NRXN1: variants seen among roughly 807,000 people sequenced by gnomAD.
NRXN1 encodes neurexin-1.
A neutral mutation model predicts 150.9 loss-of-function variants in NRXN1; 39 were observed. That is an observed-to-expected ratio of 0.26 (90% CI 0.20 to 0.34). NRXN1 has a LOEUF of 0.34. Ranked by LOEUF, NRXN1 falls within the 10% of genes least tolerant of loss-of-function variation. The probability of loss-of-function intolerance (pLI) is 1.00; values close to 1 mark genes in which losing one functional copy is unlikely to be tolerated. For missense variants in NRXN1, 1,815 were observed against 1,949.9 expected (o/e 0.93, Z 1.30); for synonymous variants, 924 against 757.0 (o/e 1.22, Z -3.62).
chr2:50,959,639 G>C (rs1398602505), intron 2 of NRXN1, among the ~76,000 whole-genome samples: 2 of 151,936 alleles, frequency 1.3e-5, no homozygotes, highest in Non-Finnish European at 2.9e-5. Flanking sequence ...TTTCTTTTTG[G>C]ATAATGAAAA....
At chr2:50,971,380 T>C (rs1032143071) in intron 2 of NRXN1, among the ~76,000 whole-genome samples, 1 of 151,928 alleles carries the variant, frequency 6.6e-6, no homozygotes, top group Non-Finnish European at 1.5e-5. Flanking sequence ...GTCAGGAGTT[T>C]GAGACCAGCC....
At chr2:50,253,731 T>C (rs933031169) in intron 17 of NRXN1, among the ~76,000 whole-genome samples, 4 of 152,210 alleles carry the variant, frequency 2.6e-5, no homozygotes, top group Admixed American at 2.6e-4. Context: ...TTTGTGTATG[T>C]TGATTTCACC....
intron 17 of NRXN1, among the ~76,000 whole-genome samples, chr2:50,244,157 A>G (rs551723686): frequency 6.6e-6 from 1 of 151,944 alleles, no homozygotes; most frequent in African/African-American, 2.4e-5. Flanking sequence ...TCACATTTTG[A>G]TGTTTATAAA....
chr2:50,474,399 T>C (rs1052857466), intron 15 of NRXN1, among the ~76,000 whole-genome samples: 2 of 151,802 alleles, frequency 1.3e-5, no homozygotes, highest in Non-Finnish European at 2.9e-5. Context: ...TGGAAGAACC[T>C]AGTTGTGCAA....
chr2:50,037,020 G>A (rs539298205), intron 21 of NRXN1, among the ~76,000 whole-genome samples: 1 of 152,140 alleles, frequency 6.6e-6, no homozygotes, highest in Non-Finnish European at 1.5e-5. Context: ...AAGCAACTAA[G>A]TTTTAGAGGA....
At chr2:50,584,624 G>T (rs1361882608) in intron 8 of NRXN1, among the ~76,000 whole-genome samples, 1 of 152,180 alleles carries the variant, frequency 6.6e-6, no homozygotes, top group African/African-American at 2.4e-5. Context: ...AAGTGCAAGT[G>T]GTGGAGCAAA....
chr2:50,919,545 C>G (rs1206036776), intron 5 of NRXN1: 1 of 151,322 alleles, frequency 6.6e-6, no homozygotes, highest in Non-Finnish European at 1.5e-5. Flanking sequence ...CATTCCAGAT[C>G]CCCTGAATTC....
chr2:50,810,039 A>G (rs1000990902), intron 5 of NRXN1, among the ~76,000 whole-genome samples: 11 of 152,182 alleles, frequency 7.2e-5, no homozygotes, highest in African/African-American at 2.2e-4. Flanking sequence ...AAATAAGAGT[A>G]ATATTCTCAT....
chr2:50,672,882 A>G lies in NRXN1; in HGVS notation c.833-49267T>C, dbSNP rs2104740029. On this transcript the variant is annotated intron_variant, in intron 5 of 22. Coordinates refer to ENST00000401669, the MANE Select transcript of NRXN1 (RefSeq NM_001330078.2). ...AATCAAACATGCTTTTGTGTGCACC[A>G]CTATGCATTTATAATTCAAACATAT... Among the ~76,000 whole-genome samples the G allele has an allele frequency of 1.3e-5, 2 of 152,188 alleles. 1 individual carries two copies. The highest frequency in any genetic ancestry group is 4.1e-4 in the South Asian group (2 of 4,834).
intron 21 of NRXN1, among the ~76,000 whole-genome samples, chr2:50,039,928 T>A (rs533878476): frequency 1.3e-3 from 195 of 152,224 alleles, no homozygotes; most frequent in Admixed American, 1.8e-3. Flanking sequence ...GTGGAAAAAT[T>A]CTCCTTTGAG....
intron 5 of NRXN1, among the ~76,000 whole-genome samples, chr2:50,791,032 A>C (rs888900999): frequency 5.3e-5 from 8 of 151,836 alleles, no homozygotes; most frequent in Non-Finnish European, 1.2e-4. Context: ...ATTTTTATGG[A>C]AAGAAGAAAA....
rs181992144 is a variant in NRXN1, at chr2:50,951,704, G to C, written c.773-25749C>G. ...TAGCTTCATATTCATGCTTCTTTTA[G>C]GTAAAAGCAGCTGCCTACCTCACTA... On this transcript the variant is annotated intron_variant, in intron 2 of 22. Coordinates refer to ENST00000401669, the MANE Select transcript of NRXN1 (RefSeq NM_001330078.2). Among the ~76,000 whole-genome samples, 227 of 151,776 alleles carry C rather than the reference G, an allele frequency of 1.5e-3. 3 individuals are homozygous for C. The highest frequency in any genetic ancestry group is 5.2e-3 in the African/African-American group (216 of 41,402).
intron 5 of NRXN1, among the ~76,000 whole-genome samples, chr2:50,653,744 A>G (rs1685974619): frequency 6.6e-6 from 1 of 152,034 alleles, no homozygotes; most frequent in Non-Finnish European, 1.5e-5. Context: ...TTGCTTTTAC[A>G]TAAGCATACT....
chr2:50,633,022 A>G (rs1433428325), intron 5 of NRXN1: 1 of 152,160 alleles, frequency 6.6e-6, no homozygotes, highest in Non-Finnish European at 1.5e-5. Flanking sequence ...GGATAAATGT[A>G]AAGGGTGTAT....
At chr2:50,129,170 TCA>T (rs1338723270) in intron 18 of NRXN1, among the ~76,000 whole-genome samples, 6 of 151,338 alleles carry the variant, frequency 4.0e-5, no homozygotes, top group Non-Finnish European at 5.9e-5. Flanking sequence ...TCTGAATACA[TCA>T]GTTTTATGAT....
At chr2:50,267,286 A>T (rs545290466) in intron 17 of NRXN1, among the ~76,000 whole-genome samples, 1 of 152,326 alleles carries the variant, frequency 6.6e-6, no homozygotes, top group East Asian at 1.9e-4. Flanking sequence ...CTGCATTTTG[A>T]AGAAAGTAAG....
chr2:50,878,461 A>T (rs1285511404), intron 5 of NRXN1, among the ~76,000 whole-genome samples: 1 of 151,940 alleles, frequency 6.6e-6, no homozygotes, highest in South Asian at 2.1e-4. Context: ...GCTCTACAAC[A>T]TCTGAAGTCG....
intron 22 of NRXN1, among the ~76,000 whole-genome samples, chr2:49,924,423 A>C (rs1668734736): frequency 6.6e-6 from 1 of 152,186 alleles, no homozygotes; most frequent in Admixed American, 6.5e-5. Flanking sequence ...TTTTTCAATA[A>C]GGAATTGATA....
intron 17 of NRXN1, among the ~76,000 whole-genome samples, chr2:50,257,183 G>A (rs1045428619): frequency 1.3e-5 from 2 of 152,012 alleles, no homozygotes; most frequent in African/African-American, 4.8e-5. Flanking sequence ...ACAAAGTAAT[G>A]TAAAACTTTT....
Sources: gnomAD v4.1 joint callset for allele counts (sites outside exome capture counted in the v4.1 genomes callset) on GRCh38, gnomAD v4.1.1 for gene constraint, MANE v1.5 for transcripts, NCBI Gene and HGNC (gene_info 2026-07-23, HGNC 2026-07-21) for gene names.